ZNF804A: variants seen among roughly 807,000 people sequenced by gnomAD.
The protein encoded by ZNF804A is zinc finger protein 804A.
Under a neutral mutation model 16.5 loss-of-function variants are expected in ZNF804A, and 2 were observed. The observed-to-expected ratio is 0.12, with a 90% CI of 0.05 to 0.38. The LOEUF is 0.38. Among genes scored for constraint, ZNF804A ranks in the 10% least tolerant of loss-of-function variants. The pLI is 0.99. For synonymous variants in ZNF804A, 534 were observed against 489.6 expected (o/e 1.09, Z -1.20); for missense variants, 1,473 against 1,390.7 (o/e 1.06, Z -0.94).
rs1685825285 is a variant in ZNF804A at position 184,938,138 on chromosome 2, C to CA, written c.2743dup (p.Thr915AsnfsTer8). ...AATTGTCAGATGTTTCCAATGATCC[C>CA]ACCACATCTGTCTGTGTAGCTAGTG... On this transcript the variant is annotated frameshift_variant, in exon 4 of 4. Transcript: ENST00000302277. LOFTEE classifies it low-confidence loss of function (END_TRUNC). 1 of 1,614,070 alleles carries CA rather than the reference C, an allele frequency of 6.2e-7. No homozygotes were observed. Among genetic ancestry groups the CA allele is most frequent in the Non-Finnish European group, 8.5e-7 (1 of 1,180,000 alleles).
chr2:184,667,541 T>A (rs1026953225), intron 1 of ZNF804A, among the ~76,000 whole-genome samples: 1 of 151,920 alleles, frequency 6.6e-6, no homozygotes, highest in Non-Finnish European at 1.5e-5. Context: ...GTGAATATAA[T>A]TATGACATAG....
chr2:184,849,144 A>G (rs2105803275), intron 1 of ZNF804A, among the ~76,000 whole-genome samples: 1 of 152,144 alleles, frequency 6.6e-6, no homozygotes, highest in East Asian at 1.9e-4. Context: ...TAAAAGAGAA[A>G]ATAATTTACA....
At chr2:184,743,268 T>G (rs928946039) in intron 1 of ZNF804A, among the ~76,000 whole-genome samples, 1 of 152,024 alleles carries the variant, frequency 6.6e-6, no homozygotes, top group African/African-American at 2.4e-5. Context: ...TTCTTGAGTC[T>G]TCTGACTTAA....
chr2:184,619,010 A>G (rs1691376134), intron 1 of ZNF804A, among the ~76,000 whole-genome samples: 1 of 152,076 alleles, frequency 6.6e-6, no homozygotes, highest in African/African-American at 2.4e-5. Context: ...ATGCGGATGC[A>G]TCTAAACTTA....
intron 1 of ZNF804A, among the ~76,000 whole-genome samples, chr2:184,727,548 T>A (rs1693433066): frequency 6.6e-6 from 1 of 151,660 alleles, no homozygotes; most frequent in South Asian, 2.1e-4. Flanking sequence ...GATTTTATAT[T>A]TTTCTGTTTG....
Position 184,673,348 on chromosome 2 carries a change from C to T in ZNF804A, c.111+74278C>T, listed in dbSNP as rs565012928. Among the ~76,000 whole-genome samples the T allele has an allele frequency of 4.6e-5, 7 of 152,296 alleles. No homozygotes were observed. The South Asian group carries it at 1.5e-3, about 32-fold the overall frequency. On this transcript the variant is annotated intron_variant, in intron 1 of 3. Transcript: ENST00000302277. Reference sequence around the variant, plus strand: ...TCAATGTTTGGAACCTCCATAGTATCCATATAGCTTTTGTCTTTAATTCAT... The same window carrying T: ...TCAATGTTTGGAACCTCCATAGTATTCATATAGCTTTTGTCTTTAATTCAT...
chr2:184,617,821 A>G (rs1354586706), intron 1 of ZNF804A, among the ~76,000 whole-genome samples: 1 of 151,698 alleles, frequency 6.6e-6, no homozygotes, highest in Non-Finnish European at 1.5e-5. Flanking sequence ...AATTTCTCAC[A>G]TATTGAGCAC....
At chr2:184,770,169 T>C (rs1223257865) in intron 1 of ZNF804A, among the ~76,000 whole-genome samples, 1 of 151,996 alleles carries the variant, frequency 6.6e-6, no homozygotes, top group African/African-American at 2.4e-5. Flanking sequence ...CACCAAACTT[T>C]CTTACTAAAA....
At chr2:184,842,798 C>T (rs550656002) in intron 1 of ZNF804A, among the ~76,000 whole-genome samples, 1 of 152,100 alleles carries the variant, frequency 6.6e-6, no homozygotes, top group Admixed American at 6.5e-5. Context: ...AAATAAAACA[C>T]CTCAAGATCA....
chr2:184,657,879 T>G lies in ZNF804A; in HGVS notation c.111+58809T>G, dbSNP rs576607331. On this transcript the variant is annotated intron_variant, in intron 1 of 3. Coordinates refer to ENST00000302277, the MANE Select transcript of ZNF804A (RefSeq NM_194250.2). ...AGGCTGTGGAAGGAGAGAGATCAAATGGATAATTGGAGTATGGAGAACTGT... is the reference window on the plus strand; with the variant it reads ...AGGCTGTGGAAGGAGAGAGATCAAAGGGATAATTGGAGTATGGAGAACTGT... Among the ~76,000 whole-genome samples, 3 of 152,202 alleles carry G rather than the reference T, an allele frequency of 2.0e-5. No homozygotes were observed. The East Asian group carries it at 5.8e-4, about 29-fold the overall frequency.
chr2:184,842,094 GT>G (rs1348506978), intron 1 of ZNF804A, among the ~76,000 whole-genome samples: 1 of 152,214 alleles, frequency 6.6e-6, no homozygotes, highest in East Asian at 1.9e-4. Flanking sequence ...CCAATTTTTA[GT>G]TGTAAATTTT....
At chr2:184,692,158 A>T (rs919620231) in intron 1 of ZNF804A, among the ~76,000 whole-genome samples, 3 of 152,302 alleles carry the variant, frequency 2.0e-5, no homozygotes, top group Admixed American at 6.5e-5. Flanking sequence ...AATATTAACT[A>T]GTGTGTGTGA....
intron 1 of ZNF804A, among the ~76,000 whole-genome samples, chr2:184,681,369 A>G (rs995056240): frequency 5.9e-5 from 9 of 152,232 alleles, no homozygotes; most frequent in Admixed American, 2.0e-4. Flanking sequence ...GACAGCCCCA[A>G]TGATGCTAGG....
At chr2:184,719,282 AC>A (rs1693266815) in intron 1 of ZNF804A, among the ~76,000 whole-genome samples, 1 of 150,796 alleles carries the variant, frequency 6.6e-6, no homozygotes, top group African/African-American at 2.4e-5. Context: ...CACCCATGAA[AC>A]CATTTTTTTT....
intron 1 of ZNF804A, among the ~76,000 whole-genome samples, chr2:184,857,846 T>A (rs933702171): frequency 1.3e-5 from 2 of 152,192 alleles, no homozygotes; most frequent in African/African-American, 2.4e-5. Context: ...TATGTGTCTT[T>A]ACATGTGAAA....
At chr2:184,709,899 T>C (rs1264642003) in intron 1 of ZNF804A, among the ~76,000 whole-genome samples, 1 of 149,052 alleles carries the variant, frequency 6.7e-6, no homozygotes, top group Non-Finnish European at 1.5e-5. Context: ...ACAACAAAAA[T>C]CACATAAAAG....
intron 1 of ZNF804A, among the ~76,000 whole-genome samples, chr2:184,683,151 A>G (rs1295836320): frequency 6.6e-6 from 1 of 152,142 alleles, no homozygotes; most frequent in Non-Finnish European, 1.5e-5. Context: ...TTGGCATCGT[A>G]TTATGTCTCT....
intron 1 of ZNF804A, among the ~76,000 whole-genome samples, chr2:184,630,075 C>A (rs1415453609): frequency 6.6e-6 from 1 of 152,048 alleles, no homozygotes; most frequent in Admixed American, 6.6e-5. Context: ...TCCATGAGTT[C>A]TTTACTGCTT....
At chr2:184,805,233 T>C (rs559736830) in intron 1 of ZNF804A, among the ~76,000 whole-genome samples, 2 of 152,288 alleles carry the variant, frequency 1.3e-5, no homozygotes, top group South Asian at 4.1e-4. Context: ...AAACAGGTAA[T>C]AGTAGAAATG....
Sources: gnomAD v4.1 joint callset for allele counts (sites outside exome capture counted in the v4.1 genomes callset) on GRCh38, gnomAD v4.1.1 for gene constraint, MANE v1.5 for transcripts, NCBI Gene and HGNC (gene_info 2026-07-23, HGNC 2026-07-21) for gene names.